The following CEP63 variants were observed in gnomAD, a reference collection of about 807,000 sequenced individuals.
The protein encoded by CEP63 is centrosomal protein 63, also known as centrosomal protein of 63 kDa.
In CEP63, 84 loss-of-function variants were observed where a neutral mutation model predicts 89.1. That is an observed-to-expected ratio of 0.94 (90% CI 0.79 to 1.13). CEP63 has a LOEUF of 1.13. CEP63 is among the 50% of genes most tolerant of loss of function. The pLI, the probability that CEP63 is intolerant of heterozygous loss-of-function variation, is 0.00. For missense variants in CEP63, 838 were observed against 813.3 expected (o/e 1.03, Z -0.37); for synonymous variants, 267 against 272.5 (o/e 0.98, Z 0.20).
the CEP63 span, among the ~76,000 whole-genome samples, chr3:134,628,643 C>T: frequency 2.6e-5 from 4 of 152,314 alleles, no homozygotes; most frequent in South Asian, 2.1e-4. Flanking sequence ...GATAAAGGTT[C>T]GAAATGATAG....
At chr3:134,754,282 C>A in the CEP63 span, among the ~76,000 whole-genome samples, 2 of 152,192 alleles carry the variant, frequency 1.3e-5, no homozygotes, top group Admixed American at 6.5e-5. Context: ...GCCAAGCAAC[C>A]ATGAGAGCAG....
chr3:134,724,523 A>C, the CEP63 span, among the ~76,000 whole-genome samples: 1 of 152,258 alleles, frequency 6.6e-6, no homozygotes, highest in South Asian at 2.1e-4. Context: ...ATTGGCACCC[A>C]GCTCCAGAAG....
At chr3:134,772,573 A>G in the CEP63 span, among the ~76,000 whole-genome samples, 1 of 151,606 alleles carries the variant, frequency 6.6e-6, no homozygotes, top group Admixed American at 6.6e-5. Flanking sequence ...TGGTCTAGAA[A>G]TGCTCCATGT....
At chr3:134,488,354 CT>C (rs1936395423) in intron 1 of CEP63, among the ~76,000 whole-genome samples, 1 of 152,140 alleles carries the variant, frequency 6.6e-6, no homozygotes, top group Non-Finnish European at 1.5e-5. Context: ...TGACTCACGC[CT>C]GTAATCCCAG....
Position 134,564,585 on chromosome 3 carries a change from C to T in CEP63, c.*3050C>T. 1 of 985,408 alleles carries T rather than the reference C, an allele frequency of 1.0e-6. No individual in the cohort carries two copies. The highest frequency in any genetic ancestry group is 1.2e-6 in the Non-Finnish European group (1 of 829,906). The allele number at this position is 985,408 out of a possible 1,614,324, so 61.0% of individuals were successfully genotyped here. A position where few individuals can be genotyped will look rare whatever the true frequency, so the allele number is the denominator to read the frequency against. Reference sequence around the variant, plus strand: ...AAGCAAATATTGGGTGGATGAAAATCACTACCATTCAAGGCTTCATTGTAT... The same window carrying T: ...AAGCAAATATTGGGTGGATGAAAATTACTACCATTCAAGGCTTCATTGTAT... On this transcript the variant is annotated 3_prime_UTR_variant, in exon 15 of 15. Transcript: ENST00000675561.
At chr3:134,720,408 G>T in the CEP63 span, among the ~76,000 whole-genome samples, 3 of 151,936 alleles carry the variant, frequency 2.0e-5, no homozygotes, top group Admixed American at 2.0e-4. Context: ...CCTATTATTT[G>T]GTTTGTCTTT....
chr3:134,509,694 A>G (rs1944382670), intron 3 of CEP63, among the ~76,000 whole-genome samples: 1 of 152,232 alleles, frequency 6.6e-6, no homozygotes, highest in African/African-American at 2.4e-5. Context: ...ATCTGTTCCA[A>G]GACACACAGG....
rs759891083 is a variant in CEP63, at chr3:134,559,157, C to T, written c.1681C>T (p.His561Tyr). 7.4e-6 allele frequency: 12 copies of T among 1,613,760 alleles called. No homozygotes were observed. Among genetic ancestry groups the T allele is most frequent in the Non-Finnish European group, 1.0e-5 (12 of 1,179,914 alleles). The change falls in exon 14 of 15, where the codon CAT becomes TAT. Residue 561 changes from histidine (H) to tyrosine (Y), a missense_variant. Physicochemically the swap from His to Tyr is moderately conservative, Grantham distance 83. Coordinates refer to ENST00000675561, the MANE Select transcript of CEP63 (RefSeq NM_001353108.3). The stretch of plus-strand genomic sequence containing the variant: ...TTCTAATCTACCATCCAGGCCAACC[C>T]ATGGCCAGCACAGACATGATGGAAT... Reference protein sequence around the residue: ...EFKNTEFKPTHGQHRHDGIKT... With the variant: ...EFKNTEFKPTYGQHRHDGIKT...
intron 3 of CEP63, among the ~76,000 whole-genome samples, chr3:134,519,185 G>T (rs542663634): frequency 1.3e-5 from 2 of 152,104 alleles, no homozygotes; most frequent in African/African-American, 4.8e-5. Context: ...GTGCAGTTGC[G>T]TGATCTCAGC....
chr3:134,555,149 A>G (rs1295806254), intron 12 of CEP63, among the ~76,000 whole-genome samples: 2 of 151,138 alleles, frequency 1.3e-5, no homozygotes, highest in East Asian at 1.9e-4. Flanking sequence ...ATCTATGACA[A>G]ACCCACAGCC....
intron 12 of CEP63, among the ~76,000 whole-genome samples, chr3:134,557,884 A>G (rs1577404951): frequency 6.6e-6 from 1 of 152,086 alleles, no homozygotes; most frequent in Non-Finnish European, 1.5e-5. Flanking sequence ...GCTTTCCTCC[A>G]TCCTGATTCC....
At chr3:134,721,804 A>G in the CEP63 span, among the ~76,000 whole-genome samples, 1 of 152,096 alleles carries the variant, frequency 6.6e-6, no homozygotes, top group Non-Finnish European at 1.5e-5. Context: ...ACTAATCTCC[A>G]TTTGCAGGAC....
chr3:134,662,751 G>T, the CEP63 span, among the ~76,000 whole-genome samples: 4 of 152,180 alleles, frequency 2.6e-5, no homozygotes, highest in African/African-American at 4.8e-5. Context: ...ATAGCGTCTG[G>T]GCTGTGCTGC....
At chr3:134,557,404 T>TA (rs1188495882) in intron 12 of CEP63, among the ~76,000 whole-genome samples, 10 of 130,262 alleles carry the variant, frequency 7.7e-5, no homozygotes, top group African/African-American at 2.5e-4. Flanking sequence ...TTTTTTTTTT[T>TA]ACAGAAAAGA....
At chr3:134,697,821 A>G in the CEP63 span, among the ~76,000 whole-genome samples, 1 of 152,308 alleles carries the variant, frequency 6.6e-6, no homozygotes, top group South Asian at 2.1e-4. Context: ...TTGTAAAATG[A>G]CAAGAGTAAC....
intron 11 of CEP63, among the ~76,000 whole-genome samples, chr3:134,572,293 G>T (rs529535671): frequency 1.3e-5 from 2 of 152,252 alleles, no homozygotes; most frequent in South Asian, 4.2e-4. Context: ...GGGTGCACGT[G>T]CAGGTTTGTT....
chr3:134,505,063 A>C (rs1047481309), intron 2 of CEP63, among the ~76,000 whole-genome samples: 3 of 152,110 alleles, frequency 2.0e-5, no homozygotes, highest in Admixed American at 2.0e-4. Flanking sequence ...TATCTCACTG[A>C]GTTTATTTAA....
intron 2 of CEP63, among the ~76,000 whole-genome samples, chr3:134,504,519 T>A (rs1004613618): frequency 6.6e-6 from 1 of 152,240 alleles, no homozygotes; most frequent in Non-Finnish European, 1.5e-5. Flanking sequence ...GACATTTTTC[T>A]CTTGCTGTTT....
chr3:134,487,912 G>C (rs1936199628), intron 1 of CEP63: 1 of 152,184 alleles, frequency 6.6e-6, no homozygotes, highest in South Asian at 2.1e-4. Flanking sequence ...CATAGTTATA[G>C]CTATGGGATT....
Sources: allele counts gnomAD v4.1 joint callset (sites outside exome capture counted in the v4.1 genomes callset), GRCh38; gene constraint gnomAD v4.1.1; transcripts MANE v1.5; gene names NCBI Gene and HGNC (gene_info 2026-07-23, HGNC 2026-07-21).